The following SFMBT1 variants were observed in gnomAD, a reference collection of about 807,000 sequenced individuals.
The protein encoded by SFMBT1 is scm-like with four MBT domains protein 1.
In SFMBT1, 32 loss-of-function variants were observed where a neutral mutation model predicts 108.7. The ratio of observed to expected loss-of-function variants is 0.29; its 90% CI spans 0.22 to 0.40. SFMBT1 has a LOEUF of 0.40. Among genes scored for constraint, SFMBT1 ranks in the 10% least tolerant of loss-of-function variants. SFMBT1 has a pLI of 1.00. For synonymous variants in SFMBT1, 348 were observed against 369.5 expected, an observed-to-expected ratio of 0.94 and a Z score of 0.67; for missense variants, 816 against 1,059.6, an observed-to-expected ratio of 0.77 and a Z score of 3.19.
At chr3:52,926,548 C>CT (rs909267452) in intron 9 of SFMBT1, among the ~76,000 whole-genome samples, 1 of 152,140 alleles carries the variant, frequency 6.6e-6, no homozygotes, top group Non-Finnish European at 1.5e-5. Context: ...AAGACGAAGA[C>CT]TTTTTTTCTT....
At chr3:53,008,148 G>C (rs1306286793) in intron 1 of SFMBT1, among the ~76,000 whole-genome samples, 1 of 152,116 alleles carries the variant, frequency 6.6e-6, no homozygotes, top group Non-Finnish European at 1.5e-5. Flanking sequence ...TGGGGAATGG[G>C]GGGGTGTGAG....
chr3:52,911,980 G>A (rs779136424), intron 16 of SFMBT1, among the ~76,000 whole-genome samples: 34 of 152,172 alleles, frequency 2.2e-4, no homozygotes, highest in Non-Finnish European at 4.4e-4. Context: ...GATTAGGGGC[G>A]TGAGCCACGG....
chr3:52,945,591 A>G (rs1703339277), intron 3 of SFMBT1, among the ~76,000 whole-genome samples: 1 of 152,018 alleles, frequency 6.6e-6, no homozygotes, highest in Non-Finnish European at 1.5e-5. Flanking sequence ...GTGGATCACG[A>G]GGTCAGGAGA....
intron 1 of SFMBT1, among the ~76,000 whole-genome samples, chr3:53,036,441 C>CAA (rs1486942889): frequency 8.5e-5 from 13 of 152,254 alleles, no homozygotes; most frequent in Non-Finnish European, 1.5e-5. Context: ...AATAAGACCT[C>CAA]AAGTCCCACA....
chr3:53,042,672 G>A (rs1684449455), intron 1 of SFMBT1, among the ~76,000 whole-genome samples: 2 of 152,126 alleles, frequency 1.3e-5, no homozygotes, highest in African/African-American at 4.8e-5. Context: ...AAAAATCTGA[G>A]TTTACAACAA....
chr3:52,947,697 T>C (rs1228957850), intron 3 of SFMBT1, among the ~76,000 whole-genome samples: 1 of 152,044 alleles, frequency 6.6e-6, no homozygotes, highest in African/African-American at 2.4e-5. Context: ...TTTATCAATA[T>C]TTTTCCTTTA....
At chr3:52,968,125 T>A (rs1704211031) in intron 2 of SFMBT1, among the ~76,000 whole-genome samples, 1 of 152,188 alleles carries the variant, frequency 6.6e-6, no homozygotes, top group Non-Finnish European at 1.5e-5. Context: ...GAACAAACTG[T>A]CAATATACGC....
intron 3 of SFMBT1, among the ~76,000 whole-genome samples, chr3:52,946,838 C>T (rs1205050149): frequency 6.8e-6 from 1 of 147,440 alleles, no homozygotes; most frequent in African/African-American, 2.5e-5. Flanking sequence ...GTGGAGTGAT[C>T]TCGGCTCACT....
In SFMBT1 at chr3:52,980,694, C is replaced by T. The variant is rs1417414344; in HGVS notation, c.-130-11436G>A. 2.6e-5 allele frequency among the ~76,000 whole-genome samples: 4 copies of T among 151,244 alleles called. No individual in the cohort carries two copies. The East Asian group carries it at 7.7e-4, about 29-fold the overall frequency. On this transcript the variant is annotated intron_variant, in intron 1 of 20. Transcript: ENST00000394752. ...AAAAAGCAAAGGAAATTTGTGAAGC[C>T]ATCACTGCAGCTACGCCAACAGGTG...
At chr3:52,948,473 T>C (rs535032867) in intron 3 of SFMBT1, among the ~76,000 whole-genome samples, 2 of 152,178 alleles carry the variant, frequency 1.3e-5, no homozygotes, top group South Asian at 4.1e-4. Flanking sequence ...ATATGTACTT[T>C]TTGAAATTTA....
intron 1 of SFMBT1, among the ~76,000 whole-genome samples, chr3:53,019,295 TC>T (rs1270104919): frequency 2.0e-5 from 3 of 150,400 alleles, no homozygotes; most frequent in African/African-American, 7.4e-5. Context: ...AGACCTTGTC[TC>T]AAAAAACAAA....
intron 13 of SFMBT1, among the ~76,000 whole-genome samples, chr3:52,918,127 T>C (rs1187214094): frequency 6.6e-6 from 1 of 152,240 alleles, no homozygotes; most frequent in Non-Finnish European, 1.5e-5. Flanking sequence ...AGCTGTCTTC[T>C]ACCCCAGCTT....
intron 11 of SFMBT1, 107 bp downstream of exon 11, chr3:52,921,598 A>T: frequency 1.6e-6 from 2 of 1,217,658 alleles, no homozygotes; most frequent in South Asian, 3.3e-5. Context: ...TCTGAACAAG[A>T]TCCCTATTTA....
chr3:53,045,468 CCGCGGGCTG>C (rs1437257492), intron 1 of SFMBT1, among the ~76,000 whole-genome samples: 2 of 144,414 alleles, frequency 1.4e-5, no homozygotes, highest in East Asian at 4.1e-4. Flanking sequence ...TTCACGCCTC[CCGCGGGCTG>C]ACGCGCGCCG....
At chr3:52,996,347 G>T (rs1475186005) in intron 1 of SFMBT1, among the ~76,000 whole-genome samples, 5 of 147,572 alleles carry the variant, frequency 3.4e-5, no homozygotes, top group African/African-American at 1.2e-4. Context: ...CAAGTAGCTG[G>T]GACTACAGGC....
At chr3:52,954,097 C>T (rs999659463) in intron 3 of SFMBT1, among the ~76,000 whole-genome samples, 3 of 151,498 alleles carry the variant, frequency 2.0e-5, no homozygotes, top group Admixed American at 2.0e-4. Flanking sequence ...TGCACTCCAG[C>T]CTGGGCGACA....
rs185956452 is a variant in SFMBT1 at position 52,972,055 on chromosome 3, C to T, written c.-130-2797G>A. On this transcript the variant is annotated intron_variant, in intron 1 of 20. Transcript: ENST00000394752. ...GCTCTAATTTAGTGGATAATCTCCA[C>T]ATATAAAGTCTTGACACTTCAGCAT... is the stretch of plus-strand genomic sequence containing the variant. Among the ~76,000 whole-genome samples, 371 of 152,332 alleles carry T rather than the reference C, an allele frequency of 2.4e-3. 1 individual carries two copies. Among genetic ancestry groups the T allele is most frequent in the African/African-American group, 8.0e-3 (331 of 41,570 alleles).
chr3:53,020,639 T>C (rs1699274550), intron 1 of SFMBT1, among the ~76,000 whole-genome samples: 1 of 152,148 alleles, frequency 6.6e-6, no homozygotes, highest in Non-Finnish European at 1.5e-5. Flanking sequence ...GTAGAATGAA[T>C]GGCAGAAAAA....
rs780145557 is a variant in SFMBT1 at position 52,954,444 on chromosome 3, T to C, written c.29-33A>G. Reference sequence around the variant, plus strand: ...TAAAAATAAAACAAAAACAGGTGAATCCCAATTAAAGAAAACTCAAGGTAT... The same window carrying C: ...TAAAAATAAAACAAAAACAGGTGAACCCCAATTAAAGAAAACTCAAGGTAT... On this transcript the variant is annotated intron_variant, in intron 2 of 20. Transcript: ENST00000394752. The C allele has an allele frequency of 4.0e-6, 6 of 1,510,028 alleles. No homozygotes were observed. The South Asian group carries it at 5.8e-5, about 15-fold the overall frequency. The allele number at this position is 1,510,028 out of a possible 1,614,324, so 93.5% of individuals were successfully genotyped here.
Sources: allele counts gnomAD v4.1 joint callset (sites outside exome capture counted in the v4.1 genomes callset), GRCh38; gene constraint gnomAD v4.1.1; transcripts MANE v1.5; gene names NCBI Gene and HGNC (gene_info 2026-07-23, HGNC 2026-07-21).